The following DENND1A variants were observed in gnomAD, a reference collection of about 807,000 sequenced individuals.
The protein encoded by DENND1A is DENN domain containing 1A.
A neutral mutation model predicts 113.7 loss-of-function variants in DENND1A; 51 were observed. The ratio of observed to expected loss-of-function variants is 0.45; its 90% CI spans 0.36 to 0.57. DENND1A has a LOEUF of 0.57. DENND1A is among the 20% of genes least tolerant of loss of function. The pLI, the probability that DENND1A is intolerant of heterozygous loss-of-function variation, is 0.00. For missense variants in DENND1A, 1,258 were observed against 1,395.9 expected (o/e 0.90, Z 1.57); for synonymous variants, 565 against 570.8 (o/e 0.99, Z 0.14).
At chr9:123,392,412 G>C (rs2042903850) in intron 21 of DENND1A, among the ~76,000 whole-genome samples, 1 of 152,200 alleles carries the variant, frequency 6.6e-6, no homozygotes, top group Admixed American at 6.5e-5. Context: ...GGGAGCTGGT[G>C]ATCATTTTTG....
intron 1 of DENND1A, among the ~76,000 whole-genome samples, chr9:123,919,011 T>C (rs923267980): frequency 2.6e-5 from 4 of 152,092 alleles, no homozygotes; most frequent in Non-Finnish European, 5.9e-5. Flanking sequence ...GGAAATCATA[T>C]AGGACAAATA....
chr9:123,503,163 C>G (rs1016872367), intron 13 of DENND1A, among the ~76,000 whole-genome samples: 1 of 152,148 alleles, frequency 6.6e-6, no homozygotes, highest in Non-Finnish European at 1.5e-5. Context: ...TCTACAGAAG[C>G]GCAGTGTTAA....
Position 123,635,285 on chromosome 9 carries a change from A to C in DENND1A, c.619-4809T>G, listed in dbSNP as rs138871691. Among the ~76,000 whole-genome samples, 174 of 152,348 alleles carry C rather than the reference A, an allele frequency of 1.1e-3. 1 individual carries two copies. Among genetic ancestry groups the C allele is most frequent in the African/African-American group, 4.0e-3 (167 of 41,590 alleles). On this transcript the variant is annotated intron_variant, in intron 9 of 23. Coordinates refer to ENST00000394215, the MANE Select transcript of DENND1A (RefSeq NM_001352964.2). ...CCCTTGCAAAGTATTGTTTTAAAGG[A>C]AAGAGTGCGTGTGTGTTGATACACA...
At chr9:123,481,373 G>A (rs889394055) in intron 13 of DENND1A, among the ~76,000 whole-genome samples, 1 of 152,206 alleles carries the variant, frequency 6.6e-6, no homozygotes, top group Non-Finnish European at 1.5e-5. Flanking sequence ...ACAAGGAAGC[G>A]GGAGCGGGAG....
intron 10 of DENND1A, among the ~76,000 whole-genome samples, chr9:123,610,800 C>T (rs1385874087): frequency 6.6e-6 from 1 of 152,108 alleles, no homozygotes. Flanking sequence ...AGTAATGAGA[C>T]AGGAGAGGTT....
In DENND1A at chr9:123,574,986, T is replaced by G. The variant is rs186158959; in HGVS notation, c.867+8183A>C. Reference sequence around the variant, plus strand: ...GATCCTACATTGCATTTAGTTGTCATGTCTCCTTAGTCTCCTCTGGTTTAG... The same window carrying G: ...GATCCTACATTGCATTTAGTTGTCAGGTCTCCTTAGTCTCCTCTGGTTTAG... On this transcript the variant is annotated intron_variant, in intron 12 of 23. Transcript: ENST00000394215. 2.4e-3 allele frequency among the ~76,000 whole-genome samples: 367 copies of G among 152,370 alleles called. 2 individuals are homozygous for G. Among genetic ancestry groups the G allele is most frequent in the African/African-American group, 8.0e-3 (331 of 41,586 alleles).
intron 5 of DENND1A, among the ~76,000 whole-genome samples, chr9:123,708,785 A>G (rs1312182909): frequency 6.6e-6 from 1 of 152,182 alleles, no homozygotes. Context: ...AGAAAAGACT[A>G]CCGGAGCCTT....
intron 2 of DENND1A, among the ~76,000 whole-genome samples, chr9:123,873,697 T>G (rs556603428): frequency 1.3e-5 from 2 of 152,272 alleles, no homozygotes; most frequent in East Asian, 1.9e-4. Flanking sequence ...AATAGAAAAC[T>G]AATATCCTTA....
At chr9:123,412,794 G>C (rs1005342885) in intron 19 of DENND1A, among the ~76,000 whole-genome samples, 9 of 152,196 alleles carry the variant, frequency 5.9e-5, no homozygotes, top group African/African-American at 2.2e-4. Context: ...ATCCCCGGGA[G>C]GCTTCCGGTT....
intron 1 of DENND1A, among the ~76,000 whole-genome samples, chr9:123,926,050 A>G (rs1857032286): frequency 6.6e-6 from 1 of 152,238 alleles, no homozygotes; most frequent in African/African-American, 2.4e-5. Flanking sequence ...ATTGCTTCAT[A>G]TTAACCACAT....
chr9:123,586,709 G>A (rs1052048000), intron 11 of DENND1A, among the ~76,000 whole-genome samples: 1 of 152,174 alleles, frequency 6.6e-6, no homozygotes, highest in Non-Finnish European at 1.5e-5. Context: ...GTCCCCCAAA[G>A]GATCAAGGCA....
chr9:123,798,307 C>T (rs1834075615), intron 2 of DENND1A: 1 of 152,192 alleles, frequency 6.6e-6, no homozygotes, highest in Admixed American at 6.5e-5. Context: ...GATTCCTCCT[C>T]AGACTAACAT....
chr9:123,927,459 G>A (rs1342202712), intron 1 of DENND1A, among the ~76,000 whole-genome samples: 1 of 151,816 alleles, frequency 6.6e-6, no homozygotes, highest in East Asian at 1.9e-4. Flanking sequence ...GATACAGAAG[G>A]TGAAAAAAAA....
intron 20 of DENND1A, among the ~76,000 whole-genome samples, chr9:123,407,021 G>T (rs1347718732): frequency 1.3e-5 from 2 of 152,136 alleles, no homozygotes; most frequent in Non-Finnish European, 2.9e-5. Flanking sequence ...AAGAACAACA[G>T]AGCTAATTAG....
intron 9 of DENND1A, among the ~76,000 whole-genome samples, chr9:123,650,906 CAAAAAAAAAAA>C (rs76905879): frequency 2.8e-5 from 1 of 35,654 alleles, no homozygotes; most frequent in Admixed American, 3.2e-4. Flanking sequence ...GACTCTGTCT[CAAAAAAAAAAA>C]AAAAAAAAAA....
chr9:123,575,962 T>C (rs542620613), intron 12 of DENND1A, among the ~76,000 whole-genome samples: 59 of 152,350 alleles, frequency 3.9e-4, no homozygotes, highest in Non-Finnish European at 1.0e-4. Context: ...ATGTTTAATG[T>C]AAAAACCAAC....
At chr9:123,443,764 G>C (rs1319729363) in intron 18 of DENND1A, among the ~76,000 whole-genome samples, 1 of 152,240 alleles carries the variant, frequency 6.6e-6, no homozygotes, top group East Asian at 1.9e-4. Context: ...AGACCAGCTT[G>C]AGCAACATGG....
At chr9:123,504,801 G>A (rs1483147148) in intron 13 of DENND1A, among the ~76,000 whole-genome samples, 1 of 152,310 alleles carries the variant, frequency 6.6e-6, no homozygotes, top group South Asian at 2.1e-4. Context: ...TTCTTCAGGG[G>A]CATGGAGGTG....
intron 13 of DENND1A, among the ~76,000 whole-genome samples, chr9:123,517,282 A>AC (rs1015669845): frequency 2.5e-4 from 37 of 145,988 alleles, no homozygotes; most frequent in South Asian, 8.8e-4. Context: ...AACCCACAAA[A>AC]CCCCCCCCAA....
Sources: allele counts gnomAD v4.1 joint callset (sites outside exome capture counted in the v4.1 genomes callset), GRCh38; gene constraint gnomAD v4.1.1; transcripts MANE v1.5; gene names NCBI Gene and HGNC (gene_info 2026-07-23, HGNC 2026-07-21).